PLAA: variants seen among roughly 807,000 people sequenced by gnomAD.
PLAA encodes phospholipase A2 activating protein, also known as phospholipase A-2-activating protein.
In PLAA, 48 loss-of-function variants were observed where a neutral mutation model predicts 84.1. That is an observed-to-expected ratio of 0.57 (90% CI 0.45 to 0.73). The LOEUF (loss-of-function observed/expected upper bound fraction) is 0.73. Among genes scored for constraint, PLAA ranks in the 30% least tolerant of loss-of-function variants. The pLI, the probability that PLAA is intolerant of heterozygous loss-of-function variation, is 0.00. For missense variants in PLAA, 903 were observed against 954.7 expected (o/e 0.95, Z 0.71); for synonymous variants, 392 against 336.6 (o/e 1.16, Z -1.80).
intron 6 of PLAA, among the ~76,000 whole-genome samples, 175 bp from the exon 7 acceptor site, chr9:26,923,522 T>A (rs559647197): frequency 6.6e-6 from 1 of 152,370 alleles, no homozygotes; most frequent in South Asian, 2.1e-4. Context: ...CTCTATTATG[T>A]CAACTATTTA....
chr9:26,927,127 C>CTTTTTTT (rs10672584), intron 4 of PLAA, among the ~76,000 whole-genome samples: 2 of 136,782 alleles, frequency 1.5e-5, no homozygotes, highest in Admixed American at 7.6e-5. Flanking sequence ...TTTTGTTTTT[C>CTTTTTTT]TTTTTTTTTT....
Position 26,925,905 on chromosome 9 carries a change from A to G in PLAA, c.789T>C (p.Cys263=). ...GAGCTGGAAGTCGGATAGTTTGAGC[A>G]CATTCCCCATGTTTCCAGATTCTCA... ...RSLRIWKHGE[C]AQTIRLPAQS... The change falls in exon 6 of 14, where the codon TGT becomes TGC. Residue 263 remains cysteine (C), a synonymous_variant. Coordinates refer to ENST00000397292, the MANE Select transcript of PLAA (RefSeq NM_001031689.3). The G allele has an allele frequency of 6.2e-7, 1 of 1,613,736 alleles. No homozygotes were observed. Among genetic ancestry groups the G allele is most frequent in the Non-Finnish European group, 8.5e-7 (1 of 1,179,632 alleles).
rs138585651 is a variant in PLAA at position 26,925,853 on chromosome 9, C to A, written c.841G>T (p.Asp281Tyr). The change falls in exon 6 of 14, where the codon GAC becomes TAC. Residue 281 changes from aspartate (D) to tyrosine (Y), a missense_variant. Coordinates refer to ENST00000397292, the MANE Select transcript of PLAA (RefSeq NM_001031689.3). ...GCACCAACCACAATGTCACCATTGT[C>A]GAGCACACAGCAGCACCATATAGAC... ...AQSIWCCCVL[D>Y]NGDIVVGASD... 1.9e-6 allele frequency: 3 copies of A among 1,613,860 alleles called. No individual in the cohort carries two copies. The highest frequency in any genetic ancestry group is 2.5e-6 in the Non-Finnish European group (3 of 1,179,822).
chr9:26,923,520 T>C (rs1438304360), intron 6 of PLAA, among the ~76,000 whole-genome samples, 173 bp from the exon 7 acceptor site: 1 of 152,258 alleles, frequency 6.6e-6, no homozygotes. Flanking sequence ...TACTCTATTA[T>C]GTCAACTATT....
intron 4 of PLAA, among the ~76,000 whole-genome samples, chr9:26,927,672 G>A (rs77555705): frequency 0.073 from 11,111 of 152,058 alleles, 581 homozygotes; most frequent in African/African-American, 0.15. Flanking sequence ...CTTGAAATTC[G>A]TTATAAACAA....
intron 11 of PLAA, among the ~76,000 whole-genome samples, chr9:26,911,051 C>CTT: frequency 6.7e-6 from 1 of 148,538 alleles, no homozygotes; most frequent in African/African-American, 2.5e-5. Context: ...CCTAGTCTTT[C>CTT]TTTTTTTTTT....
intron 6 of PLAA, among the ~76,000 whole-genome samples, chr9:26,924,330 C>T (rs909447701): frequency 5.9e-5 from 9 of 151,956 alleles, no homozygotes; most frequent in East Asian, 1.9e-4. Flanking sequence ...GACAGGGTCT[C>T]GGTAGCTCAC....
At chr9:26,914,364 T>A (rs945453900) in intron 10 of PLAA, among the ~76,000 whole-genome samples, 12 of 152,116 alleles carry the variant, frequency 7.9e-5, no homozygotes, top group Admixed American at 7.9e-4. Flanking sequence ...AGATAATACT[T>A]GTGGCTGTCC....
At chr9:26,945,335 A>G (rs1449714164) in intron 1 of PLAA, among the ~76,000 whole-genome samples, 1 of 152,202 alleles carries the variant, frequency 6.6e-6, no homozygotes. Context: ...CAATGGTTAT[A>G]TTCTACTGGG....
chr9:26,916,302 A>T, intron 10 of PLAA: 5 of 985,412 alleles, frequency 5.1e-6, no homozygotes, highest in Non-Finnish European at 6.0e-6. Context: ...ACTGTCGAGG[A>T]ACTCTGTCTG....
chr9:26,942,596 A>C (rs1825573567), intron 1 of PLAA, among the ~76,000 whole-genome samples: 1 of 149,504 alleles, frequency 6.7e-6, no homozygotes, highest in South Asian at 2.1e-4. Flanking sequence ...GAGTCAGAGC[A>C]CGGAGGCCGG....
chr9:26,910,505 T>C lies in PLAA; in HGVS notation c.1556-66A>G. On this transcript the variant is annotated intron_variant, in intron 11 of 13. Coordinates refer to ENST00000397292, the MANE Select transcript of PLAA (RefSeq NM_001031689.3). ...ATCAAAAATGAGATTTTTCTAACTA[T>C]ATGACTTAGTTTTCACAATTATTGA... 4.9e-6 allele frequency: 6 copies of C among 1,222,444 alleles called. No homozygotes were observed. In the South Asian group the frequency reaches 6.4e-5, roughly 13 times the overall value. 75.7% of individuals were successfully genotyped at this position (1,222,444 alleles called of 1,614,324 possible).
chr9:26,907,036 GAAAA>G (rs59918176), intron 13 of PLAA, among the ~76,000 whole-genome samples: 2 of 90,492 alleles, frequency 2.2e-5, no homozygotes, highest in East Asian at 4.0e-4. Flanking sequence ...ACATTTTATT[GAAAA>G]AAAAAAAAAA....
At chr9:26,944,635 T>C (rs1039844336) in intron 1 of PLAA, among the ~76,000 whole-genome samples, 5 of 152,192 alleles carry the variant, frequency 3.3e-5, no homozygotes, top group Admixed American at 2.6e-4. Context: ...TTAAGAAAGT[T>C]TATGAAATTT....
chr9:26,938,836 A>T (rs948638237), intron 1 of PLAA, among the ~76,000 whole-genome samples: 1 of 152,184 alleles, frequency 6.6e-6, no homozygotes, highest in African/African-American at 2.4e-5. Context: ...TTTCCTACAT[A>T]ATTTCAGAAA....
chr9:26,933,914 TTTTCTCACCTCAAC>T (rs1825274004), intron 2 of PLAA, among the ~76,000 whole-genome samples: 1 of 151,964 alleles, frequency 6.6e-6, no homozygotes. Context: ...GCTAAAGCAA[TTTTCTCACCTCAAC>T]TTACTGAGTA....
chr9:26,910,803 G>A lies in PLAA; in HGVS notation c.1556-364C>T, dbSNP rs188077238. The stretch of plus-strand genomic sequence containing the variant: ...CTCCGAAAGTGCTGGGATTACAGGT[G>A]TGAGCCACCGAGCCTGGTCTAAGAT... On this transcript the variant is annotated intron_variant, in intron 11 of 13. Transcript: ENST00000397292. 6.3e-4 allele frequency among the ~76,000 whole-genome samples: 95 copies of A among 151,916 alleles called. 1 individual carries two copies. Among genetic ancestry groups the A allele is most frequent in the African/African-American group, 2.1e-3 (89 of 41,418 alleles).
intron 11 of PLAA, among the ~76,000 whole-genome samples, chr9:26,912,308 T>G (rs987034132): frequency 6.6e-6 from 1 of 152,120 alleles, no homozygotes; most frequent in East Asian, 1.9e-4. Flanking sequence ...GAAAATACTA[T>G]TACATGCTCA....
At chr9:26,931,176 C>G (rs907429307) in intron 2 of PLAA, among the ~76,000 whole-genome samples, 3 of 146,544 alleles carry the variant, frequency 2.0e-5, no homozygotes, top group Non-Finnish European at 4.5e-5. Context: ...AAAAAAAATT[C>G]AGGAAACAAC....
Sources: gnomAD v4.1 joint callset for allele counts (sites outside exome capture counted in the v4.1 genomes callset) on GRCh38, gnomAD v4.1.1 for gene constraint, MANE v1.5 for transcripts, NCBI Gene and HGNC (gene_info 2026-07-23, HGNC 2026-07-21) for gene names.